Variants in HHAT observed in about 807,000 individuals in gnomAD.
HHAT encodes protein-cysteine N-palmitoyltransferase HHAT.
In HHAT, 47 loss-of-function variants were observed where a neutral mutation model predicts 70.8. The ratio of observed to expected loss-of-function variants is 0.66; its 90% CI spans 0.53 to 0.85. The LOEUF (loss-of-function observed/expected upper bound fraction) is 0.85. Ranked by LOEUF, HHAT falls within the 40% of genes least tolerant of loss-of-function variation. The probability of loss-of-function intolerance (pLI) is 0.00; values close to 1 mark genes in which losing one functional copy is unlikely to be tolerated. For synonymous variants in HHAT, 228 were observed against 247.6 expected, an observed-to-expected ratio of 0.92 and a Z score of 0.74; for missense variants, 609 against 604.8, an observed-to-expected ratio of 1.01 and a Z score of -0.07.
intron 7 of HHAT, among the ~76,000 whole-genome samples, chr1:210,426,672 T>A (rs1317648914): frequency 6.6e-6 from 1 of 152,184 alleles, no homozygotes; most frequent in Non-Finnish European, 1.5e-5. Flanking sequence ...TGAGTCAACC[T>A]TGCATCCCAG....
Position 210,404,618 on chromosome 1 carries a change from T to C in HHAT, c.623T>C (p.Val208Ala). 1 of 1,614,140 alleles carries C rather than the reference T, an allele frequency of 6.2e-7. No homozygotes were observed. Residue 208 changes from valine (V) to alanine (A), a missense_variant, in exon 6 of 12, where the codon GTC becomes GCC. Physicochemically the swap from Val to Ala is moderately conservative, Grantham distance 64 (BLOSUM62 0). Transcript: ENST00000261458. ...SYSFPWMLAY[V>A]FYYPVLHNGP... The stretch of plus-strand genomic sequence containing the variant: ...TCCTTTCCCTGGATGCTGGCCTATG[T>C]CTTTTATTATCCAGTCTTACACAAT...
chr1:210,601,621 C>T (rs1664283727), intron 10 of HHAT, among the ~76,000 whole-genome samples: 1 of 152,076 alleles, frequency 6.6e-6, no homozygotes, highest in Non-Finnish European at 1.5e-5. Context: ...AGACACTTTG[C>T]ACATTACTGA....
chr1:210,357,441 C>T (rs2087760466), intron 2 of HHAT, among the ~76,000 whole-genome samples: 1 of 152,122 alleles, frequency 6.6e-6, no homozygotes, highest in Non-Finnish European at 1.5e-5. Context: ...GCTAAGTTCC[C>T]CTCAGTTTAT....
chr1:210,419,018 G>A (rs889034919), intron 7 of HHAT, among the ~76,000 whole-genome samples: 5 of 149,266 alleles, frequency 3.3e-5, no homozygotes, highest in Non-Finnish European at 6.0e-5. Flanking sequence ...GGGTGACAAA[G>A]CATGACTCTG....
At chr1:210,604,608 T>C (rs1404191273) in intron 10 of HHAT, among the ~76,000 whole-genome samples, 1 of 152,186 alleles carries the variant, frequency 6.6e-6, no homozygotes, top group Non-Finnish European at 1.5e-5. Context: ...TTTTCAACTT[T>C]TGCTACAGTA....
At position 210,438,751 on chromosome 1, in the gene HHAT, A is replaced by C. The variant is rs1356890979; in HGVS notation, c.856+20426A>C. Among the ~76,000 whole-genome samples the C allele has an allele frequency of 1.3e-5, 2 of 151,940 alleles. 1 individual carries two copies. Among genetic ancestry groups the C allele is most frequent in the African/African-American group, 4.9e-5 (2 of 41,174 alleles). The stretch of plus-strand genomic sequence containing the variant: ...TATTTGCCAGTTATATAATGACAAT[A>C]AAAATAACCGTAGTGGAAATGATAG... On this transcript the variant is annotated intron_variant, in intron 7 of 11. Coordinates refer to ENST00000261458, the MANE Select transcript of HHAT (RefSeq NM_018194.6).
chr1:210,659,933 C>T (rs58495788), intron 11 of HHAT, among the ~76,000 whole-genome samples: 2,535 of 152,220 alleles, frequency 0.017, 73 homozygotes, highest in African/African-American at 0.057. Context: ...ATAATAAGAG[C>T]TATTTATGAC....
intron 9 of HHAT, among the ~76,000 whole-genome samples, chr1:210,524,568 A>G (rs2095217404): frequency 6.6e-6 from 1 of 152,200 alleles, no homozygotes; most frequent in Non-Finnish European, 1.5e-5. Flanking sequence ...GGCTGGAGGA[A>G]GAGGGAACAG....
intron 1 of HHAT, 188 bp downstream of exon 1, chr1:210,329,292 G>A: frequency 8.2e-7 from 1 of 1,226,506 alleles, no homozygotes; most frequent in South Asian, 4.0e-5. Flanking sequence ...GGCGGGGGCC[G>A]CGCGCGCAGT....
intron 11 of HHAT, among the ~76,000 whole-genome samples, chr1:210,663,232 G>T (rs936949817): frequency 6.6e-6 from 1 of 152,162 alleles, no homozygotes; most frequent in African/African-American, 2.4e-5. Flanking sequence ...GAGATGGGGG[G>T]ACCGAGTGAG....
chr1:210,336,508 G>A (rs2085514099), intron 1 of HHAT, among the ~76,000 whole-genome samples: 1 of 152,048 alleles, frequency 6.6e-6, no homozygotes, highest in Non-Finnish European at 1.5e-5. Context: ...TAAGGGCTGG[G>A]CATGATGGCT....
intron 9 of HHAT, among the ~76,000 whole-genome samples, chr1:210,577,937 C>T (rs905128331): frequency 3.9e-5 from 6 of 152,038 alleles, no homozygotes; most frequent in Non-Finnish European, 5.9e-5. Flanking sequence ...TGAGCCACTG[C>T]GCCCAGTTGG....
chr1:210,428,319 T>A (rs1474186778), intron 7 of HHAT, among the ~76,000 whole-genome samples: 1 of 41,964 alleles, frequency 2.4e-5, no homozygotes, highest in East Asian at 4.9e-4. Context: ...TATATATATA[T>A]ATATATATAT....
At chr1:210,638,663 T>G (rs894268308) in intron 11 of HHAT, among the ~76,000 whole-genome samples, 13 of 143,612 alleles carry the variant, frequency 9.1e-5, no homozygotes, top group African/African-American at 3.4e-4. Context: ...GGAAGATCAC[T>G]TCCCTTGAGT....
intron 9 of HHAT, among the ~76,000 whole-genome samples, chr1:210,532,559 A>G (rs765746957): frequency 6.6e-6 from 1 of 152,224 alleles, no homozygotes; most frequent in Non-Finnish European, 1.5e-5. Context: ...GAATTCTGTG[A>G]CTTGACTAAA....
chr1:210,431,773 A>G (rs2093250885), intron 7 of HHAT, among the ~76,000 whole-genome samples: 1 of 151,868 alleles, frequency 6.6e-6, no homozygotes. Flanking sequence ...TCCCTTTCCA[A>G]TGGCAAGGAC....
intron 9 of HHAT, among the ~76,000 whole-genome samples, chr1:210,557,187 G>A (rs945722187): frequency 6.6e-6 from 1 of 152,208 alleles, no homozygotes; most frequent in Non-Finnish European, 1.5e-5. Context: ...AATGCATTAA[G>A]GTATGAAATG....
chr1:210,519,337 T>C (rs2095112975), intron 9 of HHAT, among the ~76,000 whole-genome samples: 1 of 152,200 alleles, frequency 6.6e-6, no homozygotes, highest in African/African-American at 2.4e-5. Context: ...TTCTTCAATA[T>C]ACTGATGTTC....
At chr1:210,538,217 A>T (rs2148653710) in intron 9 of HHAT, among the ~76,000 whole-genome samples, 1 of 152,292 alleles carries the variant, frequency 6.6e-6, no homozygotes, top group Middle Eastern at 3.4e-3. Flanking sequence ...CCTCATTGAT[A>T]GATAGCAGTT....
Sources: allele counts gnomAD v4.1 joint callset (sites outside exome capture counted in the v4.1 genomes callset), GRCh38; gene constraint gnomAD v4.1.1; transcripts MANE v1.5; gene names NCBI Gene and HGNC (gene_info 2026-07-23, HGNC 2026-07-21).